Variants in LEKR1 observed in about 807,000 individuals in gnomAD.
LEKR1 encodes the protein leucine, glutamate and lysine rich 1.
A neutral mutation model predicts 72.4 loss-of-function variants in LEKR1; 59 were observed. The observed-to-expected ratio is 0.82, with a 90% CI of 0.66 to 1.01. The LOEUF is 1.01. Ranked by LOEUF, LEKR1 falls within the 50% of genes least tolerant of loss-of-function variation. LEKR1 has a pLI of 0.00. For synonymous variants in LEKR1, 257 were observed against 263.2 expected (o/e 0.98, Z 0.23); for missense variants, 728 against 759.2 (o/e 0.96, Z 0.48).
chr3:156,950,658 G>A (rs1247777857), intron 6 of LEKR1, among the ~76,000 whole-genome samples: 3 of 151,134 alleles, frequency 2.0e-5, no homozygotes, highest in East Asian at 1.9e-4. Flanking sequence ...TTCCTGATAT[G>A]GCTTTTGGCT....
intron 3 of LEKR1, among the ~76,000 whole-genome samples, chr3:156,896,246 T>C (rs1262568852): frequency 6.6e-6 from 1 of 152,102 alleles, no homozygotes; most frequent in Non-Finnish European, 1.5e-5. Context: ...TAATGGATGC[T>C]GGGCATAATA....
intron 3 of LEKR1, among the ~76,000 whole-genome samples, chr3:156,863,643 CTT>C (rs1281954814): frequency 3.9e-5 from 6 of 152,070 alleles, no homozygotes; most frequent in African/African-American, 1.2e-4. Flanking sequence ...ATCCACAACT[CTT>C]ATATCCATTT....
intron 6 of LEKR1, among the ~76,000 whole-genome samples, chr3:156,973,109 A>C (rs958228210): frequency 1.3e-5 from 2 of 152,110 alleles, no homozygotes; most frequent in Admixed American, 6.6e-5. Flanking sequence ...ACTGTATTTT[A>C]ATCTTAGGCA....
At chr3:156,873,821 C>T (rs1199295221) in intron 3 of LEKR1, among the ~76,000 whole-genome samples, 1 of 151,926 alleles carries the variant, frequency 6.6e-6, no homozygotes, top group Non-Finnish European at 1.5e-5. Flanking sequence ...TTTAGAATAT[C>T]ATCCCATTCT....
chr3:157,028,056 T>G (rs762073705), intron 11 of LEKR1, 47 bp from the exon 12 acceptor site: 1 of 1,250,062 alleles, frequency 8.0e-7, no homozygotes. Context: ...ATTCTGTGGT[T>G]ACCTAGAAAC....
At chr3:157,038,793 C>G (rs1735143528) in intron 12 of LEKR1, among the ~76,000 whole-genome samples, 1 of 152,132 alleles carries the variant, frequency 6.6e-6, no homozygotes, top group South Asian at 2.1e-4. Flanking sequence ...ACAGTATGTC[C>G]TCATAGATGT....
chr3:157,030,082 C>T (rs1734491736), intron 12 of LEKR1, among the ~76,000 whole-genome samples: 1 of 152,084 alleles, frequency 6.6e-6, no homozygotes, highest in Admixed American at 6.6e-5. Context: ...TGGCGAGGAC[C>T]TTAGGAAGCT....
chr3:156,926,021 A>G (rs1724686142), intron 4 of LEKR1, among the ~76,000 whole-genome samples: 1 of 152,094 alleles, frequency 6.6e-6, no homozygotes, highest in South Asian at 2.1e-4. Flanking sequence ...GCAAATCGTA[A>G]TAACTTTTTT....
At chr3:156,883,011 GGGA>G (rs1308223016) in intron 3 of LEKR1, among the ~76,000 whole-genome samples, 2 of 150,262 alleles carry the variant, frequency 1.3e-5, no homozygotes, top group African/African-American at 2.5e-5. Flanking sequence ...GTGGGTTGGG[GGGA>G]GGGGGGAGAG....
At chr3:156,985,015 G>A (rs1182356274) in intron 7 of LEKR1, among the ~76,000 whole-genome samples, 1 of 151,820 alleles carries the variant, frequency 6.6e-6, no homozygotes, top group Non-Finnish European at 1.5e-5. Flanking sequence ...CTGGCAAGCA[G>A]AAGGTGGCCT....
At chr3:156,945,047 G>C (rs769072361) in intron 6 of LEKR1, among the ~76,000 whole-genome samples, 37 of 151,454 alleles carry the variant, frequency 2.4e-4, no homozygotes, top group African/African-American at 8.2e-4. Context: ...AGTGTTCAAG[G>C]GTTCGCTTTT....
rs1560064151 is a variant in LEKR1 at position 156,899,523 on chromosome 3, C to CATGT, written c.264-21050_264-21049insGTAT. On this transcript the variant is annotated intron_variant, in intron 3 of 12. Transcript: ENST00000356539. ...ATATACATGTATATATACATACATA[C>CATGT]ATATATACACATATATACATATATA... 8.6e-4 allele frequency among the ~76,000 whole-genome samples: 111 copies of CATGT among 129,120 alleles called. 2 individuals are homozygous for CATGT. Among genetic ancestry groups the CATGT allele is most frequent in the South Asian group, 1.6e-3 (6 of 3,784 alleles). The allele number at this position is 129,120 out of a possible 152,430, so 84.7% of individuals were successfully genotyped here.
chr3:156,870,367 C>T (rs1401608980), intron 3 of LEKR1, among the ~76,000 whole-genome samples: 3 of 151,914 alleles, frequency 2.0e-5, no homozygotes, highest in Non-Finnish European at 2.9e-5. Context: ...TTTTTGTCGT[C>T]TTTATTTCAT....
intron 6 of LEKR1, among the ~76,000 whole-genome samples, chr3:156,957,535 A>G (rs1727756758): frequency 6.8e-6 from 1 of 147,816 alleles, no homozygotes. Flanking sequence ...TCCTACAGTG[A>G]AAAAAAAAAC....
chr3:156,830,577 C>T (rs1712245557), intron 2 of LEKR1, among the ~76,000 whole-genome samples: 1 of 152,102 alleles, frequency 6.6e-6, no homozygotes, highest in Non-Finnish European at 1.5e-5. Flanking sequence ...GTGCAAAAAC[C>T]ATGTACTTTT....
intron 10 of LEKR1, among the ~76,000 whole-genome samples, chr3:157,021,307 T>G (rs1206044724): frequency 7.9e-5 from 12 of 151,666 alleles, no homozygotes; most frequent in East Asian, 1.9e-4. Flanking sequence ...GTCAATTTTG[T>G]CTTTTGTTGC....
intron 6 of LEKR1, among the ~76,000 whole-genome samples, chr3:156,958,742 G>C (rs1201909774): frequency 1.3e-5 from 2 of 152,010 alleles, no homozygotes; most frequent in Non-Finnish European, 2.9e-5. Context: ...TAGTATGCAG[G>C]TGTCCTTCAA....
chr3:156,972,286 A>T (rs1244873997), intron 6 of LEKR1, among the ~76,000 whole-genome samples: 1 of 152,008 alleles, frequency 6.6e-6, no homozygotes, highest in Admixed American at 6.6e-5. Flanking sequence ...GTGGGAATTG[A>T]ACAATGAGAA....
At chr3:156,892,986 T>C (rs534517288) in intron 3 of LEKR1, among the ~76,000 whole-genome samples, 2 of 152,326 alleles carry the variant, frequency 1.3e-5, no homozygotes, top group African/African-American at 4.8e-5. Context: ...TGTTTCTCAA[T>C]AGAGCCCTTT....
Sources: allele counts gnomAD v4.1 joint callset (sites outside exome capture counted in the v4.1 genomes callset), GRCh38; gene constraint gnomAD v4.1.1; transcripts MANE v1.5; gene names NCBI Gene and HGNC (gene_info 2026-07-23, HGNC 2026-07-21).